The following SBK3 variants were observed in gnomAD, a reference collection of about 807,000 sequenced individuals.
The protein encoded by SBK3 is SH3 domain binding kinase family member 3.
A neutral mutation model predicts 12.7 loss-of-function variants in SBK3; 16 were observed. That is an observed-to-expected ratio of 1.26 (90% CI 0.86 to 1.92). The LOEUF (loss-of-function observed/expected upper bound fraction) is 1.92. Among genes scored for constraint, SBK3 ranks in the 40% most tolerant of loss-of-function variants. SBK3 has a pLI of 0.00. For missense variants in SBK3, 462 were observed against 481.8 expected (o/e 0.96, Z 0.38); for synonymous variants, 217 against 213.6 (o/e 1.02, Z -0.14).
At position 55,544,265 on chromosome 19, in the gene SBK3, C is replaced by G. The variant is rs760858936; in HGVS notation, c.234G>C (p.Leu78Phe). ...CCCTCAGGAAGGTGCTTCTCAGGAC[C>G]AAATCCCGACGCAGGAGCTTCAGAG... ...AVALKLLRRDLVLRSTFLREF... is the reference protein window; with the variant it reads ...AVALKLLRRDFVLRSTFLREF... Residue 78 changes from leucine to phenylalanine, a missense_variant, in exon 3 of 4, where the codon TTG becomes TTC. Coordinates refer to ENST00000612221, the MANE Select transcript of SBK3 (RefSeq NM_001199824.2). 6.5e-7 allele frequency: 1 copy of G among 1,535,888 alleles called. No individual in the cohort carries two copies. Among genetic ancestry groups the G allele is most frequent in the African/African-American group, 1.4e-5 (1 of 73,016 alleles).
At chr19:55,544,349 G>T in intron 2 of SBK3, 47 bp from the exon 3 acceptor site, 1 of 1,424,942 alleles carries the variant, frequency 7.0e-7, no homozygotes, top group Non-Finnish European at 9.5e-7. Context: ...CTCCAGTCCT[G>T]CTGTGGGGCC....
Position 55,540,982 on chromosome 19 carries a change from T to TC in SBK3, c.943dup (p.Glu315GlyfsTer13), listed in dbSNP as rs1418564416. On this transcript the variant is annotated frameshift_variant, in exon 4 of 4. Coordinates refer to ENST00000612221, the MANE Select transcript of SBK3 (RefSeq NM_001199824.2). LOFTEE classifies it low-confidence loss of function (END_TRUNC). ...GGCGCTCCCCAAAACCCCAGGTCCCTCTCTGTTCCCTTGCAACCCCCAGTC... is the reference window on the plus strand; with the variant it reads ...GGCGCTCCCCAAAACCCCAGGTCCCTCCTCTGTTCCCTTGCAACCCCCAGTC... 1 of 1,535,700 alleles carries TC rather than the reference T, an allele frequency of 6.5e-7. No homozygotes were observed. Among genetic ancestry groups the TC allele is most frequent in the African/African-American group, 1.4e-5 (1 of 72,994 alleles).
chr19:55,540,756 C>T lies in SBK3; in HGVS notation c.*90G>A, dbSNP rs994910049. On this transcript the variant is annotated 3_prime_UTR_variant, in exon 4 of 4. Transcript: ENST00000612221. ...GCAATGTGTTCCCTCTCTGTCCTCC[C>T]GGGTGCAGCTGTCTCTCCATCCAGG... 5 of 1,080,240 alleles carry T rather than the reference C, an allele frequency of 4.6e-6. No homozygotes were observed. Among genetic ancestry groups the T allele is most frequent in the African/African-American group, 3.1e-5 (2 of 64,342 alleles). 66.9% of individuals were successfully genotyped at this position (1,080,240 alleles called of 1,614,324 possible).
In SBK3 at chr19:55,541,106, G is replaced by C; in HGVS notation, c.820C>G (p.Gln274Glu). ...QPPQPPPPWD[Q>E]FAPPALALLQ... ...AAGGCCAGGGCTGGGGGCGCAAACT[G>C]GTCCCAGGGTGGTGGTGGCTGAGGT... Residue 274 changes from glutamine to glutamate, a missense_variant, in exon 4 of 4, where the codon CAG becomes GAG. Transcript: ENST00000612221. The surrounding 1 kb of genome is among the most constrained non-coding windows in gnomAD (Gnocchi z 5.3). 1 of 1,535,862 alleles carries C rather than the reference G, an allele frequency of 6.5e-7. No homozygotes were observed. Among genetic ancestry groups the C allele is most frequent in the Non-Finnish European group, 8.7e-7 (1 of 1,146,770 alleles).
At position 55,542,661 on chromosome 19, in the gene SBK3, A is replaced by G. The variant is rs527727588; in HGVS notation, c.400-1135T>C. Among the ~76,000 whole-genome samples the G allele has an allele frequency of 6.2e-4, 90 of 145,542 alleles. 5 individuals are homozygous for G. The East Asian group carries it at 0.018, about 29-fold the overall frequency. On this transcript the variant is annotated intron_variant, in intron 3 of 3. Coordinates refer to ENST00000612221, the MANE Select transcript of SBK3 (RefSeq NM_001199824.2). ...CATCCACCCACCCATCCATCCACCA[A>G]TTCTTCCATCCACCCACCCACCTAT...
At chr19:55,543,935 T>A in intron 3 of SBK3, among the ~76,000 whole-genome samples, 165 bp downstream of exon 3, 1 of 152,032 alleles carries the variant, frequency 6.6e-6, no homozygotes, top group East Asian at 1.9e-4. Flanking sequence ...AGGTCAGGCA[T>A]GGAACCTCGT....
intron 3 of SBK3, among the ~76,000 whole-genome samples, chr19:55,543,468 C>G (rs972812029): frequency 6.6e-6 from 1 of 151,592 alleles, no homozygotes; most frequent in Admixed American, 6.6e-5. Context: ...CATTTCTCCA[C>G]ATGTACCTTC....
Position 55,545,016 on chromosome 19 carries a change from G to C in SBK3, c.46-67C>G. ...TCCACTGAGAGTGGTGGGGGAGGAG[G>C]TCACGGCGCAGCCCCAGGATGGAGG... On this transcript the variant is annotated intron_variant, in intron 1 of 3. Coordinates refer to ENST00000612221, the MANE Select transcript of SBK3 (RefSeq NM_001199824.2). The surrounding 1 kb of genome is among the most constrained non-coding windows in gnomAD (Gnocchi z 4.4). 2 of 1,260,612 alleles carry C rather than the reference G, an allele frequency of 1.6e-6. No individual in the cohort carries two copies. Among genetic ancestry groups the C allele is most frequent in the African/African-American group, 1.5e-5 (1 of 67,546 alleles). The allele number at this position is 1,260,612 out of a possible 1,614,324, so 78.1% of individuals were successfully genotyped here. A position where few individuals can be genotyped will look rare whatever the true frequency, so the allele number is the denominator to read the frequency against.
In SBK3 at chr19:55,541,632, G is replaced by A. The variant is rs1277571369; in HGVS notation, c.400-106C>T. 9.8e-6 allele frequency: 9 copies of A among 914,756 alleles called. No homozygotes were observed. Among genetic ancestry groups the A allele is most frequent in the South Asian group, 9.0e-5 (5 of 55,602 alleles). 56.7% of individuals were successfully genotyped at this position (914,756 alleles called of 1,614,324 possible). On this transcript the variant is annotated intron_variant, in intron 3 of 3. Coordinates refer to ENST00000612221, the MANE Select transcript of SBK3 (RefSeq NM_001199824.2). This position sits in a 1 kb window ranked among gnomAD's most constrained non-coding sequence, Gnocchi z 5.3. Reference sequence around the variant, plus strand: ...TGGCCTCAAGCGATCCTCCTGCCTTGGCCTCCCAAAGTGCTGGGATTATAG... The same window carrying A: ...TGGCCTCAAGCGATCCTCCTGCCTTAGCCTCCCAAAGTGCTGGGATTATAG...
At position 55,544,169 on chromosome 19, in the gene SBK3, G is replaced by C; in HGVS notation, c.330C>G (p.Thr110=). ...LLQTLAGPLQ[T]PRYFAFAQEY... ...CCTGGGCGAAGGCAAAATAGCGGGG[G>C]GTCTGTAGGGGTCCTGCCAGGGTCT... The change falls in exon 3 of 4, where the codon ACC becomes ACG. Residue 110 remains threonine, a synonymous_variant. Coordinates refer to ENST00000612221, the MANE Select transcript of SBK3 (RefSeq NM_001199824.2). 1 of 1,535,742 alleles carries C rather than the reference G, an allele frequency of 6.5e-7. No individual in the cohort carries two copies. Among genetic ancestry groups the C allele is most frequent in the Non-Finnish European group, 8.7e-7 (1 of 1,146,736 alleles).
rs1385926003 is a variant in SBK3 at position 55,540,753 on chromosome 19, T to G, written c.*93A>C. 5 of 1,059,808 alleles carry G rather than the reference T, an allele frequency of 4.7e-6. No individual in the cohort carries two copies. The South Asian group carries it at 6.7e-5, about 14-fold the overall frequency. The allele number at this position is 1,059,808 out of a possible 1,614,324, so 65.7% of individuals were successfully genotyped here. A position where few individuals can be genotyped will look rare whatever the true frequency, so the allele number is the denominator to read the frequency against. ...AGTGCAATGTGTTCCCTCTCTGTCCTCCCGGGTGCAGCTGTCTCTCCATCC... is the reference window on the plus strand; with the variant it reads ...AGTGCAATGTGTTCCCTCTCTGTCCGCCCGGGTGCAGCTGTCTCTCCATCC... On this transcript the variant is annotated 3_prime_UTR_variant, in exon 4 of 4. Transcript: ENST00000612221.
chr19:55,544,777 G>T lies in SBK3; in HGVS notation c.196+22C>A, dbSNP rs1488753630. On this transcript the variant is annotated intron_variant, in intron 2 of 3. Coordinates refer to ENST00000612221, the MANE Select transcript of SBK3 (RefSeq NM_001199824.2). ...TTATTGTGGGGCAGTTGGGGAGGCT[G>T]CCCTTGGGTGGCTGAACTCACCCCC... is the stretch of plus-strand genomic sequence containing the variant. The T allele has an allele frequency of 2.9e-5, 43 of 1,473,614 alleles. No individual in the cohort carries two copies. In the East Asian group the frequency reaches 1.0e-3, roughly 34 times the overall value. The allele number at this position is 1,473,614 out of a possible 1,614,324, so 91.3% of individuals were successfully genotyped here.
Position 55,545,464 on chromosome 19 carries a change from C to A in SBK3, c.45+35G>T. ...TCCTGCCTCTCTCTCCTTCTTTTCT[C>A]TCTCTGTCTTCCTCCCCTGGCTCCC... On this transcript the variant is annotated intron_variant, in intron 1 of 3. Transcript: ENST00000612221. The surrounding 1 kb of genome is among the most constrained non-coding windows in gnomAD (Gnocchi z 4.4). 2 of 1,487,858 alleles carry A rather than the reference C, an allele frequency of 1.3e-6. No homozygotes were observed. The highest frequency in any genetic ancestry group is 1.8e-6 in the Non-Finnish European group (2 of 1,104,264). 92.2% of individuals were successfully genotyped at this position (1,487,858 alleles called of 1,614,324 possible).
intron 3 of SBK3, among the ~76,000 whole-genome samples, chr19:55,542,994 ATCCACCCACCCACCCG>A (rs1377521123): frequency 1.1e-5 from 1 of 91,308 alleles, no homozygotes; most frequent in Non-Finnish European, 2.1e-5. Flanking sequence ...GGATCCTTCC[ATCCACCCACCCACCCG>A]TCCACTCAAC....
intron 3 of SBK3, among the ~76,000 whole-genome samples, chr19:55,542,532 C>T (rs1028207624): frequency 1.4e-5 from 2 of 147,732 alleles, no homozygotes; most frequent in Non-Finnish European, 3.0e-5. Context: ...TCCACCCATC[C>T]GCCCACCAAT....
At position 55,541,047 on chromosome 19, in the gene SBK3, A is replaced by C. The variant is rs1384151688; in HGVS notation, c.879T>G (p.Thr293=). 3.3e-6 allele frequency: 5 copies of C among 1,535,730 alleles called. No homozygotes were observed. Among genetic ancestry groups the C allele is most frequent in the Non-Finnish European group, 4.4e-6 (5 of 1,146,816 alleles). The change falls in exon 4 of 4, where the codon ACT becomes ACG. Residue 293 remains threonine, a synonymous_variant. Transcript: ENST00000612221. This position sits in a 1 kb window ranked among gnomAD's most constrained non-coding sequence, Gnocchi z 5.3. ...CCAGGACAGCCAGTGGGGGGCTCCTAGTCTCGGGATCCAGGTCCAGAAGCC... is the reference window on the plus strand; with the variant it reads ...CCAGGACAGCCAGTGGGGGGCTCCTCGTCTCGGGATCCAGGTCCAGAAGCC... The part of the protein sequence containing the change: ...LQGLLDLDPE[T]RSPPLAVLDF...
chr19:55,541,138 G>GGTGGCTGAA lies in SBK3; in HGVS notation c.787_788insTTCAGCCAC (p.Lys262_Pro263insLeuGlnPro), dbSNP rs1206487798. The GGTGGCTGAA allele has an allele frequency of 6.5e-7, 1 of 1,535,824 alleles. No individual in the cohort carries two copies. Among genetic ancestry groups the GGTGGCTGAA allele is most frequent in the South Asian group, 1.2e-5 (1 of 84,040 alleles). On this transcript the variant is annotated inframe_insertion, in exon 4 of 4. Transcript: ENST00000612221. The surrounding 1 kb of genome is among the most constrained non-coding windows in gnomAD (Gnocchi z 5.3). ...GGGTGGTGGTGGCTGAGGTGGCTGA[G>GGTGGCTGAA]GCTTGGTGGTCACCCAGCCAGCGAA...
rs1988620077 is a variant in SBK3, at chr19:55,544,144, C to T, written c.355G>A (p.Glu119Lys). 1 of 1,534,186 alleles carries T rather than the reference C, an allele frequency of 6.5e-7. No individual in the cohort carries two copies. Among genetic ancestry groups the T allele is most frequent in the Non-Finnish European group, 8.7e-7 (1 of 1,146,050 alleles). ...QTPRYFAFAQ[E>K]YAPCGDLSGM... ...CTGAGGTCCCCACAGGGCGCGTACT[C>T]CTGGGCGAAGGCAAAATAGCGGGGG... Residue 119 changes from glutamate to lysine, a missense_variant, in exon 3 of 4, where the codon GAG becomes AAG. Coordinates refer to ENST00000612221, the MANE Select transcript of SBK3 (RefSeq NM_001199824.2).
rs1319307044 is a variant in SBK3, at chr19:55,541,033, A to AGT, written c.891_892dup (p.Leu298HisfsTer?). 25 of 1,535,862 alleles carry AGT rather than the reference A, an allele frequency of 1.6e-5. No homozygotes were observed. The East Asian group carries it at 5.1e-4, about 32-fold the overall frequency. On this transcript the variant is annotated frameshift_variant, in exon 4 of 4. Coordinates refer to ENST00000612221, the MANE Select transcript of SBK3 (RefSeq NM_001199824.2). LOFTEE classifies it low-confidence loss of function (END_TRUNC). This position sits in a 1 kb window ranked among gnomAD's most constrained non-coding sequence, Gnocchi z 5.3. Reference sequence around the variant, plus strand: ...GTCCCCCAGGAAGTCCAGGACAGCCAGTGGGGGGCTCCTAGTCTCGGGATC... The same window carrying AGT: ...GTCCCCCAGGAAGTCCAGGACAGCCAGTGTGGGGGGCTCCTAGTCTCGGGATC...
Sources: allele counts gnomAD v4.1 joint callset (sites outside exome capture counted in the v4.1 genomes callset), GRCh38; gene constraint gnomAD v4.1.1; non-coding constraint Gnocchi (gnomAD v3.1); transcripts MANE v1.5; gene names NCBI Gene and HGNC (gene_info 2026-07-23, HGNC 2026-07-21).